ADAM12: variants seen among roughly 807,000 people sequenced by gnomAD.
The protein encoded by ADAM12 is ADAM metallopeptidase domain 12.
ADAM12 carries 70 observed loss-of-function variants against 106.4 expected under a neutral mutation model. The ratio of observed to expected loss-of-function variants is 0.66; its 90% CI spans 0.54 to 0.80. ADAM12 has a LOEUF of 0.80. Ranked by LOEUF, ADAM12 falls within the 30% of genes least tolerant of loss-of-function variation. ADAM12 has a pLI of 0.00. For synonymous variants in ADAM12, 420 were observed against 433.5 expected (o/e 0.97, Z 0.39); for missense variants, 1,010 against 1,171.9 (o/e 0.86, Z 2.02).
At chr10:126,186,268 A>G (rs1957398067) in intron 3 of ADAM12, among the ~76,000 whole-genome samples, 1 of 152,198 alleles carries the variant, frequency 6.6e-6, no homozygotes, top group African/African-American at 2.4e-5. Flanking sequence ...ATACTTAGCA[A>G]CTGTGACCTT....
intron 3 of ADAM12, among the ~76,000 whole-genome samples, chr10:126,245,927 G>A (rs577697146): frequency 2.0e-5 from 3 of 152,146 alleles, no homozygotes; most frequent in Non-Finnish European, 4.4e-5. Context: ...CGGTTTGGCT[G>A]CAAGATAAAG....
chr10:126,252,200 AG>A (rs1300808110), intron 3 of ADAM12, among the ~76,000 whole-genome samples: 39 of 143,966 alleles, frequency 2.7e-4, no homozygotes, highest in Non-Finnish European at 5.6e-4. Flanking sequence ...GGGATGGATG[AG>A]ATGGATGGAT....
At chr10:126,035,760 AATGAT>A (rs1954048047) in intron 21 of ADAM12, among the ~76,000 whole-genome samples, 1 of 152,200 alleles carries the variant, frequency 6.6e-6, no homozygotes, top group African/African-American at 2.4e-5. Flanking sequence ...TTTGAAATAA[AATGAT>A]GAGAGAGTAT....
intron 5 of ADAM12, 119 bp downstream of exon 5, chr10:126,135,465 G>A (rs1341302702): frequency 9.7e-6 from 9 of 927,110 alleles, no homozygotes; most frequent in African/African-American, 8.2e-5. Context: ...AGGTGGAGGT[G>A]TAGCTGAGCT....
chr10:126,335,681 G>A (rs374273271), intron 1 of ADAM12, among the ~76,000 whole-genome samples: 10 of 151,858 alleles, frequency 6.6e-5, no homozygotes, highest in African/African-American at 1.9e-4. Flanking sequence ...TTAAAATAAC[G>A]TAAGTGAAGG....
At chr10:126,380,599 C>T (rs1856455592) in intron 1 of ADAM12, among the ~76,000 whole-genome samples, 1 of 152,190 alleles carries the variant, frequency 6.6e-6, no homozygotes, top group South Asian at 2.1e-4. Context: ...ACGCACTCGA[C>T]AAACTCCTTT....
intron 21 of ADAM12, among the ~76,000 whole-genome samples, chr10:126,021,974 A>G (rs1953776072): frequency 6.6e-6 from 1 of 152,234 alleles, no homozygotes; most frequent in African/African-American, 2.4e-5. Flanking sequence ...TGTGTCATGT[A>G]AAAATGGATG....
At chr10:126,186,954 T>C (rs889094461) in intron 3 of ADAM12, among the ~76,000 whole-genome samples, 1 of 152,170 alleles carries the variant, frequency 6.6e-6, no homozygotes, top group African/African-American at 2.4e-5. Flanking sequence ...CATGAGCAAA[T>C]ATGCTTTCCT....
intron 2 of ADAM12, among the ~76,000 whole-genome samples, chr10:126,297,778 C>T (rs1456284279): frequency 1.3e-5 from 2 of 152,134 alleles, no homozygotes; most frequent in East Asian, 3.9e-4. Flanking sequence ...GGGACCATGA[C>T]CCAGATGGAG....
intron 1 of ADAM12, among the ~76,000 whole-genome samples, chr10:126,349,412 C>T (rs7914184): frequency 0.01 from 1,548 of 152,276 alleles, 40 homozygotes; most frequent in African/African-American, 0.036. Flanking sequence ...GGAGGTAATA[C>T]CTAGAGAGCT....
chr10:126,220,505 C>G (rs1958070000), intron 3 of ADAM12, among the ~76,000 whole-genome samples: 1 of 152,152 alleles, frequency 6.6e-6, no homozygotes, highest in Admixed American at 6.6e-5. Flanking sequence ...AAAATTCACC[C>G]CAAAATCAAT....
Position 126,061,352 on chromosome 10 carries a change from C to G in ADAM12, c.1609+3454G>C, listed in dbSNP as rs115839228. Among the ~76,000 whole-genome samples, 1,283 of 152,314 alleles carry G rather than the reference C, an allele frequency of 8.4e-3. 18 individuals carry two copies. The highest frequency in any genetic ancestry group is 0.029 in the African/African-American group (1,222 of 41,560). On this transcript the variant is annotated intron_variant, in intron 14 of 22. Transcript: ENST00000448723. ...ACAGACCCTTGGGGTAGGTAGATCA[C>G]TATCCTTATTTTACAGATGAGGCAT...
intron 8 of ADAM12, among the ~76,000 whole-genome samples, chr10:126,103,267 T>G (rs1242509974): frequency 6.6e-6 from 1 of 152,182 alleles, no homozygotes; most frequent in Non-Finnish European, 1.5e-5. Flanking sequence ...TTAGTGCCAT[T>G]GTTTGACTGT....
At chr10:126,278,318 T>G (rs1313323945) in intron 3 of ADAM12, among the ~76,000 whole-genome samples, 1 of 152,066 alleles carries the variant, frequency 6.6e-6, no homozygotes, top group Admixed American at 6.6e-5. Flanking sequence ...TGTCTTACGG[T>G]TGGAGGCAGA....
intron 1 of ADAM12, among the ~76,000 whole-genome samples, chr10:126,367,681 C>T (rs917280849): frequency 1.3e-5 from 2 of 151,798 alleles, no homozygotes; most frequent in Admixed American, 6.6e-5. Context: ...TCATAATTTA[C>T]CAATTTTAGG....
chr10:126,283,754 T>C (rs191635679), intron 2 of ADAM12, among the ~76,000 whole-genome samples: 9 of 152,306 alleles, frequency 5.9e-5, no homozygotes, highest in African/African-American at 2.2e-4. Context: ...CTTCTCCCAG[T>C]TTGGGCTTTG....
chr10:126,126,906 A>T (rs989067593), intron 5 of ADAM12, among the ~76,000 whole-genome samples: 23 of 152,008 alleles, frequency 1.5e-4, no homozygotes, highest in Non-Finnish European at 1.8e-4. Context: ...CAGTCTGGAG[A>T]CCTACCCAGA....
chr10:126,157,441 TAC>T (rs1369514434), intron 3 of ADAM12, among the ~76,000 whole-genome samples: 1 of 152,220 alleles, frequency 6.6e-6, no homozygotes, highest in African/African-American at 2.4e-5. Context: ...AGCACTTCCT[TAC>T]ACAGTCAGAG....
chr10:126,327,097 A>T (rs187863849), intron 2 of ADAM12, among the ~76,000 whole-genome samples: 9 of 146,550 alleles, frequency 6.1e-5, no homozygotes, highest in Non-Finnish European at 1.4e-4. Context: ...ATGAAGAAGA[A>T]TGCACATGAG....
Sources: allele counts gnomAD v4.1 joint callset (sites outside exome capture counted in the v4.1 genomes callset), GRCh38; gene constraint gnomAD v4.1.1; transcripts MANE v1.5; gene names NCBI Gene and HGNC (gene_info 2026-07-23, HGNC 2026-07-21).